LATS1: variants seen among roughly 807,000 people sequenced by gnomAD.
LATS1 encodes the protein serine/threonine-protein kinase LATS1.
LATS1 carries 25 observed loss-of-function variants against 106.6 expected under a neutral mutation model. The observed-to-expected ratio is 0.23, with a 90% confidence interval of 0.17 to 0.33. LATS1 has a LOEUF of 0.33. Ranked by LOEUF, LATS1 falls within the 10% of genes least tolerant of loss-of-function variation. LATS1 has a pLI of 1.00. For synonymous variants in LATS1, 465 were observed against 455.6 expected (o/e 1.02, Z -0.26); for missense variants, 1,040 against 1,382.6 (o/e 0.75, Z 3.93).
chr6:149,713,057 T>G (rs982751757), intron 1 of LATS1, among the ~76,000 whole-genome samples: 1 of 152,070 alleles, frequency 6.6e-6, no homozygotes, highest in Non-Finnish European at 1.5e-5. Context: ...GCCCCCAACT[T>G]CTATGAGCAA....
chr6:149,687,566 A>T (rs1322860967), intron 3 of LATS1, among the ~76,000 whole-genome samples: 2 of 150,772 alleles, frequency 1.3e-5, no homozygotes, highest in African/African-American at 4.9e-5. Flanking sequence ...AGTAGTTGGG[A>T]TTACAGGCAT....
chr6:149,711,673 T>C (rs774197250), intron 1 of LATS1, among the ~76,000 whole-genome samples: 2 of 152,182 alleles, frequency 1.3e-5, no homozygotes, highest in African/African-American at 4.8e-5. Context: ...TGAAAAAGAT[T>C]TGTACGTTCC....
intron 7 of LATS1, among the ~76,000 whole-genome samples, chr6:149,662,800 C>CA (rs1265033999): frequency 1.3e-5 from 2 of 151,400 alleles, no homozygotes; most frequent in Non-Finnish European, 2.9e-5. Context: ...CCCCTCTCTA[C>CA]AAAAAAACTT....
intron 7 of LATS1, among the ~76,000 whole-genome samples, chr6:149,674,665 C>T (rs1322024304): frequency 1.3e-5 from 2 of 150,958 alleles, no homozygotes; most frequent in Admixed American, 1.3e-4. Flanking sequence ...TGAACCACTG[C>T]ACCCATCCCA....
intron 7 of LATS1, among the ~76,000 whole-genome samples, chr6:149,669,497 T>G (rs1346272654): frequency 6.6e-6 from 1 of 152,034 alleles, no homozygotes; most frequent in Non-Finnish European, 1.5e-5. Flanking sequence ...TGCAGGCTCA[T>G]GCTTGCAATC....
intron 1 of LATS1, among the ~76,000 whole-genome samples, chr6:149,703,087 C>T (rs1288142746): frequency 1.3e-5 from 2 of 151,932 alleles, no homozygotes; most frequent in African/African-American, 4.8e-5. Context: ...GATTCTCATG[C>T]CTCAGCATCC....
intron 7 of LATS1, 111 bp downstream of exon 7, chr6:149,676,149 G>A: frequency 1.3e-6 from 1 of 748,856 alleles, no homozygotes; most frequent in East Asian, 2.7e-5. Flanking sequence ...ACTGCACCCG[G>A]CCCAAGTTCA....
chr6:149,693,835 A>G (rs550831917), intron 3 of LATS1, among the ~76,000 whole-genome samples: 101 of 152,294 alleles, frequency 6.6e-4, no homozygotes, highest in African/African-American at 2.4e-3. Context: ...CACGCCTGTA[A>G]TCCCAGCACT....
At chr6:149,696,817 G>A (rs1258482911) in intron 2 of LATS1, among the ~76,000 whole-genome samples, 1 of 152,154 alleles carries the variant, frequency 6.6e-6, no homozygotes, top group Non-Finnish European at 1.5e-5. Context: ...AGACAGATGT[G>A]AGTTTGAGTT....
At chr6:149,712,054 G>A (rs2115019392) in intron 1 of LATS1, among the ~76,000 whole-genome samples, 1 of 152,118 alleles carries the variant, frequency 6.6e-6, no homozygotes, top group East Asian at 1.9e-4. Context: ...ACCATATCTG[G>A]ACCTGATTAA....
chr6:149,690,782 T>G (rs1426370314), intron 3 of LATS1, among the ~76,000 whole-genome samples: 1 of 152,124 alleles, frequency 6.6e-6, no homozygotes, highest in Non-Finnish European at 1.5e-5. Flanking sequence ...CAAGTGATCC[T>G]CCTGCCTCAG....
intron 3 of LATS1, among the ~76,000 whole-genome samples, chr6:149,693,609 CA>C (rs1562343159): frequency 4.3e-5 from 5 of 117,508 alleles, no homozygotes; most frequent in African/African-American, 1.6e-4. Flanking sequence ...GACTCCATCT[CA>C]AAAACAAACA....
intron 1 of LATS1, among the ~76,000 whole-genome samples, chr6:149,716,943 C>T (rs1784426425): frequency 6.6e-6 from 1 of 152,134 alleles, no homozygotes; most frequent in Non-Finnish European, 1.5e-5. Context: ...TTATCAGAAA[C>T]TTCTGATAAA....
chr6:149,679,865 G>A lies in LATS1; in HGVS notation c.2593+10C>T. The A allele has an allele frequency of 6.5e-7, 1 of 1,527,546 alleles. No individual in the cohort carries two copies. The highest frequency in any genetic ancestry group is 8.8e-7 in the Non-Finnish European group (1 of 1,132,300). The allele number at this position is 1,527,546 out of a possible 1,614,324, so 94.6% of individuals were successfully genotyped here. A position where few individuals can be genotyped will look rare whatever the true frequency, so the allele number is the denominator to read the frequency against. On this transcript the variant is annotated intron_variant, in intron 5 of 7. Transcript: ENST00000543571. ...GAACAAACTAAAATAAATTTTATGA[G>A]TTTACTTACCACTCTGATAGTACTT...
chr6:149,679,802 A>G lies in LATS1; in HGVS notation c.2593+73T>C, dbSNP rs971772806. The G allele has an allele frequency of 3.6e-6, 4 of 1,122,470 alleles. No individual in the cohort carries two copies. In the African/African-American group the frequency reaches 6.3e-5, roughly 18 times the overall value. The allele number at this position is 1,122,470 out of a possible 1,614,324, so 69.5% of individuals were successfully genotyped here. A position where few individuals can be genotyped will look rare whatever the true frequency, so the allele number is the denominator to read the frequency against. On this transcript the variant is annotated intron_variant, in intron 5 of 7. Transcript: ENST00000543571. ...CTGGCTCTCATCCAGTGATGATACC[A>G]TCTTATATTTTACTACATCAATAAA...
At chr6:149,706,076 G>A (rs1018065225) in intron 1 of LATS1, among the ~76,000 whole-genome samples, 3 of 151,032 alleles carry the variant, frequency 2.0e-5, no homozygotes, top group East Asian at 1.9e-4. Context: ...TCAGCTACTC[G>A]GGAGGCTAAG....
At chr6:149,712,073 T>G (rs1430710367) in intron 1 of LATS1, among the ~76,000 whole-genome samples, 3 of 152,166 alleles carry the variant, frequency 2.0e-5, no homozygotes, top group Non-Finnish European at 4.4e-5. Context: ...AAGAGATTAT[T>G]GGGCATGTGG....
intron 7 of LATS1, among the ~76,000 whole-genome samples, chr6:149,668,805 A>G (rs1267279979): frequency 6.6e-6 from 1 of 151,668 alleles, no homozygotes; most frequent in African/African-American, 2.4e-5. Flanking sequence ...ACATTGTTGG[A>G]TGAGGTAGGT....
chr6:149,662,785 G>A lies in LATS1; in HGVS notation c.2884-547C>T, dbSNP rs948652240. 2.2e-4 allele frequency among the ~76,000 whole-genome samples: 34 copies of A among 151,728 alleles called. 1 individual carries two copies. Among genetic ancestry groups the A allele is most frequent in the Admixed American group, 2.2e-3 (34 of 15,218 alleles). On this transcript the variant is annotated intron_variant, in intron 7 of 7. Transcript: ENST00000543571. ...TCAAGACAAACCTGGGCAACAAAGC[G>A]AGACCCCCTCTCTACAAAAAAACTT...
Sources: allele counts gnomAD v4.1 joint callset (sites outside exome capture counted in the v4.1 genomes callset), GRCh38; gene constraint gnomAD v4.1.1; transcripts MANE v1.5; gene names NCBI Gene and HGNC (gene_info 2026-07-23, HGNC 2026-07-21).